The following WNK3 variants were observed in gnomAD, a reference collection of about 807,000 sequenced individuals.
The protein encoded by WNK3 is serine/threonine-protein kinase WNK3.
A neutral mutation model predicts 116.7 loss-of-function variants in WNK3; 18 were observed. The ratio of observed to expected loss-of-function variants is 0.15; its 90% CI spans 0.11 to 0.23. The LOEUF is 0.23. Among genes scored for constraint, WNK3 ranks in the 10% least tolerant of loss-of-function variants. WNK3 has a pLI of 1.00. For missense variants in WNK3, 993 were observed against 1,323.8 expected, an observed-to-expected ratio of 0.75 and a Z score of 3.88; for synonymous variants, 404 against 469.4, an observed-to-expected ratio of 0.86 and a Z score of 1.80.
At chrX:54,339,267 T>C (rs2069286941) in intron 1 of WNK3, among the ~76,000 whole-genome samples, 1 of 111,004 alleles carries the variant, frequency 9.0e-6, no homozygotes, top group African/African-American at 3.3e-5. Context: ...CTCTCAATAA[T>C]GGAGAGAGTA....
At chrX:54,337,406 C>CA (rs2069253524) in intron 1 of WNK3, among the ~76,000 whole-genome samples, 1 of 108,710 alleles carries the variant, frequency 9.2e-6, no homozygotes, top group South Asian at 3.9e-4. Context: ...ACTAAAAATA[C>CA]AAAAATTAGC....
At chrX:54,228,039 C>T (rs1379718867) in intron 22 of WNK3, among the ~76,000 whole-genome samples, 5 of 110,831 alleles carry the variant, frequency 4.5e-5, no homozygotes, top group Non-Finnish European at 9.4e-5. Context: ...TACAGGCGTG[C>T]GCCACCATGC....
At chrX:54,283,766 C>CAAAAAAAAAA (rs782377430) in intron 10 of WNK3, among the ~76,000 whole-genome samples, 4 of 24,093 alleles carry the variant, frequency 1.7e-4, no homozygotes, top group Non-Finnish European at 3.1e-4. Flanking sequence ...AAGACTGTCT[C>CAAAAAAAAAA]AAAAAAAAAA....
chrX:54,346,121 T>C (rs1188865419), intron 1 of WNK3, among the ~76,000 whole-genome samples: 2 of 3,014 alleles, frequency 6.6e-4, no homozygotes, highest in East Asian at 0.012. Context: ...CACACACATA[T>C]GTGTGTGTAT....
chrX:54,278,897 G>A (rs2068481571), intron 10 of WNK3, among the ~76,000 whole-genome samples: 3 of 110,751 alleles, frequency 2.7e-5, no homozygotes, highest in Non-Finnish European at 5.7e-5. Flanking sequence ...GTGAAACCAC[G>A]TCTCTACTAA....
At chrX:54,306,953 G>C (rs1372945484) in intron 5 of WNK3, among the ~76,000 whole-genome samples, 1 of 110,172 alleles carries the variant, frequency 9.1e-6, no homozygotes, top group Non-Finnish European at 1.9e-5. Context: ...ATTTTGGCCA[G>C]GCGCGGTGGC....
At chrX:54,352,367 T>C (rs994704200) in intron 1 of WNK3, among the ~76,000 whole-genome samples, 3 of 111,672 alleles carry the variant, frequency 2.7e-5, no homozygotes, top group African/African-American at 9.7e-5. Flanking sequence ...AACGGTTTGG[T>C]GGTTTCTCAA....
rs1024622234 is a variant in WNK3, at chrX:54,334,826, C to T, written c.-119-1034G>A. On this transcript the variant is annotated intron_variant, in intron 1 of 23. Coordinates refer to ENST00000354646, the Ensembl canonical transcript of WNK3. The stretch of plus-strand genomic sequence containing the variant: ...AAACTAGCAATTCTACTTATAGGAA[C>T]TTGCCTTAGAAAATAGTCAAGAATC... Among the ~76,000 whole-genome samples the T allele has an allele frequency of 2.7e-5, 3 of 112,323 alleles. No individual in the cohort carries two copies. In the East Asian group the frequency reaches 8.3e-4, roughly 31 times the overall value.
chrX:54,280,473 T>A (rs782800040), intron 10 of WNK3, among the ~76,000 whole-genome samples: 84 of 111,738 alleles, frequency 7.5e-4, no homozygotes, highest in Admixed American at 1.9e-3. Flanking sequence ...TGTATTTGTA[T>A]GCCTTAGCAA....
At chrX:54,307,527 T>C (rs1485556684) in intron 5 of WNK3, among the ~76,000 whole-genome samples, 1 of 111,847 alleles carries the variant, frequency 8.9e-6, no homozygotes, top group Non-Finnish European at 1.9e-5. Flanking sequence ...AATTTACTCA[T>C]AGCAGGGACC....
At chrX:54,358,608 G>A (rs1473317211), upstream of WNK3, 1 of 112,622 alleles carries the variant, frequency 8.9e-6, no homozygotes, top group East Asian at 2.8e-4. Context: ...GTTACGTTGC[G>A]GGGGCAACAG....
chrX:54,222,940 A>ATATAT (rs869180374), intron 22 of WNK3, among the ~76,000 whole-genome samples: 1 of 86,463 alleles, frequency 1.2e-5, no homozygotes, highest in Admixed American at 1.2e-4. Context: ...ATATATATAT[A>ATATAT]AAAAAAGACA....
Position 54,347,697 on chromosome X carries a change from CATAT to C in WNK3, c.-120+9985_-120+9988del, listed in dbSNP as rs1255207109. Among the ~76,000 whole-genome samples the C allele has an allele frequency of 7.3e-3, 710 of 96,633 alleles. 3 individuals carry two copies. The highest frequency in any genetic ancestry group is 0.029 in the African/African-American group (663 of 23,247). 83.9% of individuals were successfully genotyped at this position (96,633 alleles called of 115,157 possible). On this transcript the variant is annotated intron_variant, in intron 1 of 23. Coordinates refer to ENST00000354646, the Ensembl canonical transcript of WNK3. Reference sequence around the variant, plus strand: ...ATATATACACATATATATATATACACATATATATATACACATATATATATATAAA... The same window carrying C: ...ATATATACACATATATATATATACACATATATACACATATATATATATAAA...
chrX:54,259,367 TATG>T (rs2068232933), intron 10 of WNK3, 29 bp from the exon 11 acceptor site: 1 of 1,015,419 alleles, frequency 9.8e-7, no homozygotes, highest in African/African-American at 1.9e-5. Flanking sequence ...TAAAACTTGC[TATG>T]ATAACAGTAA....
At chrX:54,275,105 C>G (rs2068427722) in intron 10 of WNK3, among the ~76,000 whole-genome samples, 1 of 108,111 alleles carries the variant, frequency 9.2e-6, no homozygotes, top group South Asian at 4.1e-4. Flanking sequence ...CACTTGAGGT[C>G]AGGAGTTTGA....
chrX:54,283,527 T>C (rs1481683765), intron 10 of WNK3, among the ~76,000 whole-genome samples: 1 of 110,968 alleles, frequency 9.0e-6, no homozygotes, highest in East Asian at 2.8e-4. Context: ...CCCAGCACTT[T>C]GGGAGGCCGA....
intron 5 of WNK3, among the ~76,000 whole-genome samples, chrX:54,305,065 C>T (rs1234316325): frequency 1.8e-5 from 2 of 109,911 alleles, no homozygotes; most frequent in African/African-American, 3.3e-5. Flanking sequence ...ACATGAGAAT[C>T]GCTTGAACCC....
At chrX:54,270,638 C>T (rs781992779) in intron 10 of WNK3, among the ~76,000 whole-genome samples, 56 of 108,764 alleles carry the variant, frequency 5.1e-4, no homozygotes, top group African/African-American at 1.8e-3. Context: ...CGTAGGTATA[C>T]ATGTACCATG....
chrX:54,355,592 G>A (rs1407772824), intron 1 of WNK3, among the ~76,000 whole-genome samples: 1 of 109,887 alleles, frequency 9.1e-6, no homozygotes, highest in Non-Finnish European at 1.9e-5. Flanking sequence ...GGGAGGGGGA[G>A]AGAGAGCATT....
Sources: allele counts gnomAD v4.1 joint callset (sites outside exome capture counted in the v4.1 genomes callset), GRCh38; gene constraint gnomAD v4.1.1; transcripts MANE v1.5; gene names NCBI Gene and HGNC (gene_info 2026-07-23, HGNC 2026-07-21).